MVB12B: variants seen among roughly 807,000 people sequenced by gnomAD.
MVB12B encodes the protein ESCRT-I complex subunit MVB12B.
A neutral mutation model predicts 41.6 loss-of-function variants in MVB12B; 16 were observed. That is an observed-to-expected ratio of 0.38 (90% CI 0.26 to 0.58). The LOEUF (loss-of-function observed/expected upper bound fraction) is 0.58, where lower values mean the gene tolerates loss of function less well. Ranked by LOEUF, MVB12B falls within the 20% of genes least tolerant of loss-of-function variation. MVB12B has a pLI of 0.62. For synonymous variants in MVB12B, 133 were observed against 139.7 expected, an observed-to-expected ratio of 0.95 and a Z score of 0.34; for missense variants, 274 against 380.2, an observed-to-expected ratio of 0.72 and a Z score of 2.32.
chr9:126,408,909 T>G (rs2119048472), intron 6 of MVB12B, among the ~76,000 whole-genome samples: 1 of 152,262 alleles, frequency 6.6e-6, no homozygotes, highest in South Asian at 2.1e-4. Context: ...GAGTTCACAT[T>G]TTTTTGTCCT....
intron 9 of MVB12B, among the ~76,000 whole-genome samples, chr9:126,484,285 C>T (rs1187524073): frequency 1.3e-5 from 2 of 152,270 alleles, no homozygotes; most frequent in Non-Finnish European, 2.9e-5. Flanking sequence ...TTTTACATGA[C>T]AGACAGAGCC....
Position 126,395,549 on chromosome 9 carries a change from A to T in MVB12B, c.540-26A>T. The stretch of plus-strand genomic sequence containing the variant: ...TAAATGCTTTGTGCTAACCAGAGCC[A>T]TGAAGATTTCTCTTTTTTCCTAAAG... On this transcript the variant is annotated intron_variant, in intron 5 of 9. Coordinates refer to ENST00000361171, the MANE Select transcript of MVB12B (RefSeq NM_033446.3). The surrounding 1 kb of genome is among the most constrained non-coding windows in gnomAD (Gnocchi z 4.9). 1 of 1,613,936 alleles carries T rather than the reference A, an allele frequency of 6.2e-7. No individual in the cohort carries two copies. The highest frequency in any genetic ancestry group is 1.3e-5 in the African/African-American group (1 of 75,060).
intron 1 of MVB12B, among the ~76,000 whole-genome samples, chr9:126,336,012 A>G (rs1326713593): frequency 6.6e-6 from 1 of 152,254 alleles, no homozygotes; most frequent in Middle Eastern, 3.2e-3. Flanking sequence ...TGGCCTCACC[A>G]TGGCAGGAGG....
At chr9:126,487,049 G>A (rs142722679) in intron 9 of MVB12B, among the ~76,000 whole-genome samples, 120 of 152,322 alleles carry the variant, frequency 7.9e-4, no homozygotes, top group African/African-American at 2.4e-3. Flanking sequence ...AATGTCGGGC[G>A]CTCCGAGTCA....
chr9:126,455,887 C>CTTTTTTTTTTT (rs3983803), intron 7 of MVB12B, among the ~76,000 whole-genome samples: 10 of 103,044 alleles, frequency 9.7e-5, no homozygotes, highest in Non-Finnish European at 1.6e-4. Context: ...TTCTTTCTTT[C>CTTTTTTTTTTT]TTTTTTTTTT....
At chr9:126,438,708 T>TGGGGTG (rs1832556400) in intron 7 of MVB12B, among the ~76,000 whole-genome samples, 1 of 152,106 alleles carries the variant, frequency 6.6e-6, no homozygotes, top group African/African-American at 2.4e-5. Flanking sequence ...CAGAGCCCAG[T>TGGGGTG]GGGGTGGGGG....
intron 7 of MVB12B, among the ~76,000 whole-genome samples, chr9:126,446,217 TATA>T (rs1477064035): frequency 6.6e-6 from 1 of 152,212 alleles, no homozygotes; most frequent in African/African-American, 2.4e-5. Flanking sequence ...TTTAATGTAG[TATA>T]ATATTTTTTC....
chr9:126,341,581 G>A (rs1436841577), intron 2 of MVB12B, among the ~76,000 whole-genome samples: 1 of 152,252 alleles, frequency 6.6e-6, no homozygotes, highest in East Asian at 1.9e-4. Context: ...TGAGGAGAAT[G>A]TGATGCCTGG....
intron 7 of MVB12B, among the ~76,000 whole-genome samples, chr9:126,427,419 A>C (rs973221944): frequency 6.6e-6 from 1 of 152,078 alleles, no homozygotes; most frequent in Non-Finnish European, 1.5e-5. Flanking sequence ...GAGGCTTCCT[A>C]TAAGGAGAGG....
At chr9:126,393,807 C>T (rs928227723) in intron 5 of MVB12B, among the ~76,000 whole-genome samples, 2 of 152,220 alleles carry the variant, frequency 1.3e-5, no homozygotes, top group Admixed American at 1.3e-4. Flanking sequence ...CATGTGTTTC[C>T]CTGTGGGCTC....
intron 7 of MVB12B, among the ~76,000 whole-genome samples, chr9:126,449,350 C>T (rs1354318366): frequency 6.6e-6 from 1 of 152,160 alleles, no homozygotes; most frequent in East Asian, 1.9e-4. Flanking sequence ...ACAGAACCAT[C>T]CTGGCAGATG....
intron 1 of MVB12B, among the ~76,000 whole-genome samples, chr9:126,338,727 A>G (rs1049539729): frequency 1.2e-4 from 19 of 152,240 alleles, no homozygotes; most frequent in African/African-American, 1.9e-4. Flanking sequence ...TGCAAACTGC[A>G]GCAATGTTAT....
chr9:126,336,450 G>A (rs1289880663), intron 1 of MVB12B, among the ~76,000 whole-genome samples: 1 of 152,244 alleles, frequency 6.6e-6, no homozygotes, highest in East Asian at 1.9e-4. Flanking sequence ...CTACAAGGGA[G>A]CAGTGTGCCG....
intron 7 of MVB12B, among the ~76,000 whole-genome samples, chr9:126,456,112 A>C (rs966094196): frequency 6.6e-6 from 1 of 151,876 alleles, no homozygotes; most frequent in Non-Finnish European, 1.5e-5. Context: ...GCTGGTCTCA[A>C]ACTCCTGACC....
rs1833457628 is a variant in MVB12B, at chr9:126,478,292, G to T, written c.758-3077G>T. On this transcript the variant is annotated intron_variant, in intron 7 of 9. Transcript: ENST00000361171. This position sits in a 1 kb window ranked among gnomAD's most constrained non-coding sequence, Gnocchi z 4.2. ...GGGTAGCAGTGAGCAGGGTCCCCAGGTCCTGAGAGAGTTAGGCACTTGCCC... is the reference window on the plus strand; with the variant it reads ...GGGTAGCAGTGAGCAGGGTCCCCAGTTCCTGAGAGAGTTAGGCACTTGCCC... Among the ~76,000 whole-genome samples, 1 of 152,106 alleles carries T rather than the reference G, an allele frequency of 6.6e-6. No individual in the cohort carries two copies. Among genetic ancestry groups the T allele is most frequent in the Admixed American group, 6.5e-5 (1 of 15,288 alleles).
chr9:126,384,623 G>A (rs1830721131), intron 3 of MVB12B, among the ~76,000 whole-genome samples: 1 of 151,974 alleles, frequency 6.6e-6, no homozygotes, highest in Admixed American at 6.6e-5. Context: ...CCACCTCCTG[G>A]GTTCAAGCGA....
intron 7 of MVB12B, among the ~76,000 whole-genome samples, chr9:126,471,406 C>T (rs866771621): frequency 1.1e-4 from 16 of 152,324 alleles, no homozygotes; most frequent in South Asian, 2.1e-4. Context: ...GCCTCTCACG[C>T]GGGGGACTCG....
At chr9:126,491,958 G>A (rs1258704266) in intron 9 of MVB12B, among the ~76,000 whole-genome samples, 1 of 151,858 alleles carries the variant, frequency 6.6e-6, no homozygotes, top group African/African-American at 2.4e-5. Context: ...GGTTCTTTTG[G>A]GCAGTTTATC....
Position 126,340,680 on chromosome 9 carries a change from T to C in MVB12B, c.204+50T>C. 6.3e-7 allele frequency: 1 copy of C among 1,599,538 alleles called. No individual in the cohort carries two copies. The highest frequency in any genetic ancestry group is 8.6e-7 in the Non-Finnish European group (1 of 1,168,974). On this transcript the variant is annotated intron_variant, in intron 2 of 9. Transcript: ENST00000361171. The surrounding 1 kb of genome is among the most constrained non-coding windows in gnomAD (Gnocchi z 4.0). ...ATTTTGCTCACTGATTCTACAAGTATTTATCTCCTGTGTCCAAGACCTTCT... is the reference window on the plus strand; with the variant it reads ...ATTTTGCTCACTGATTCTACAAGTACTTATCTCCTGTGTCCAAGACCTTCT...
Sources: gnomAD v4.1 joint callset for allele counts (sites outside exome capture counted in the v4.1 genomes callset) on GRCh38, gnomAD v4.1.1 for gene constraint, Gnocchi (gnomAD v3.1) non-coding constraint, MANE v1.5 for transcripts, NCBI Gene and HGNC (gene_info 2026-07-23, HGNC 2026-07-21) for gene names.